AIFM1: variants seen among roughly 807,000 people sequenced by gnomAD.
The protein encoded by AIFM1 is apoptosis inducing factor mitochondria associated 1.
Under a neutral mutation model 51.7 loss-of-function variants are expected in AIFM1, and 3 were observed. The ratio of observed to expected loss-of-function variants is 0.06; its 90% CI spans 0.03 to 0.15. The LOEUF (loss-of-function observed/expected upper bound fraction) is 0.15, where lower values mean the gene tolerates loss of function less well. AIFM1 is among the 10% of genes least tolerant of loss of function. The pLI, the probability that AIFM1 is intolerant of heterozygous loss-of-function variation, is 1.00. For missense variants in AIFM1, 330 were observed against 476.8 expected (o/e 0.69, Z 2.87); for synonymous variants, 178 against 179.4 (o/e 0.99, Z 0.06).
intron 12 of AIFM1, 126 bp downstream of exon 12, chrX:130,135,919 C>T: frequency 1.1e-6 from 1 of 922,548 alleles, no homozygotes; most frequent in African/African-American, 1.9e-5. Flanking sequence ...TATTCTGTAC[C>T]CTCAGCCTCC....
chrX:130,129,402 A>G lies in AIFM1; in HGVS notation c.*155T>C, dbSNP rs2029963826. ...TCAGAATTTATTTCACTATGTGAAC[A>G]TTAAGAATTTACCTACATAGTTGAA... is the stretch of plus-strand genomic sequence containing the variant. On this transcript the variant is annotated 3_prime_UTR_variant, in exon 16 of 16. Coordinates refer to ENST00000287295, the MANE Select transcript of AIFM1 (RefSeq NM_004208.4). 1 of 505,064 alleles carries G rather than the reference A, an allele frequency of 2.0e-6. No individual in the cohort carries two copies. Among genetic ancestry groups the G allele is most frequent in the Non-Finnish European group, 3.5e-6 (1 of 282,297 alleles). 41.6% of individuals were successfully genotyped at this position (505,064 alleles called of 1,213,427 possible).
intron 10 of AIFM1, 56 bp downstream of exon 10, chrX:130,137,022 C>T: frequency 8.3e-7 from 1 of 1,210,416 alleles, no homozygotes; most frequent in Non-Finnish European, 1.1e-6. Context: ...GCGAAGTTTG[C>T]CTTAGGTCAC....
At chrX:130,141,153 CAACAAAAACA>C (rs1395759414) in intron 6 of AIFM1, among the ~76,000 whole-genome samples, 1 of 111,879 alleles carries the variant, frequency 8.9e-6, no homozygotes, top group Non-Finnish European at 1.9e-5. Context: ...AAAACCACAA[CAACAAAAACA>C]AACAAAAACA....
intron 13 of AIFM1, among the ~76,000 whole-genome samples, chrX:130,132,548 CTTTT>C (rs1166444028): frequency 1.8e-5 from 2 of 111,690 alleles, no homozygotes; most frequent in East Asian, 5.6e-4. Context: ...CTCCACTTTT[CTTTT>C]TTTTAACTTT....
intron 10 of AIFM1, 38 bp from the exon 11 acceptor site, chrX:130,136,769 G>GT (rs774473825): frequency 3.8e-5 from 44 of 1,164,211 alleles, no homozygotes; most frequent in Non-Finnish European, 5.2e-5. Context: ...GAGCCTACAA[G>GT]GCTATCACTT....
intron 5 of AIFM1, 134 bp downstream of exon 5, chrX:130,147,359 G>A: frequency 2.5e-6 from 2 of 789,880 alleles, no homozygotes; most frequent in East Asian, 6.4e-5. Context: ...GCTGTACCAA[G>A]TGTGGACCAC....
chrX:130,143,846 C>CA (rs1320285868), intron 6 of AIFM1, among the ~76,000 whole-genome samples: 32 of 100,320 alleles, frequency 3.2e-4, no homozygotes, highest in Middle Eastern at 5.0e-3. Flanking sequence ...GAATCTGTCT[C>CA]AAAAAAAAAA....
chrX:130,135,287 A>G lies in AIFM1; in HGVS notation c.1305+758T>C, dbSNP rs751345513. ...TTTTTAGGAGAGACAGGGTTTCACC[A>G]TGTTAGCCAGGCTGGTCTCAAACTC... On this transcript the variant is annotated intron_variant, in intron 12 of 15. Coordinates refer to ENST00000287295, the MANE Select transcript of AIFM1 (RefSeq NM_004208.4). Among the ~76,000 whole-genome samples, 17 of 109,412 alleles carry G rather than the reference A, an allele frequency of 1.6e-4. No homozygotes were observed. The South Asian group carries it at 6.7e-3, about 43-fold the overall frequency.
intron 1 of AIFM1, among the ~76,000 whole-genome samples, chrX:130,162,307 T>A (rs2031378377): frequency 9.0e-6 from 1 of 111,328 alleles, no homozygotes; most frequent in South Asian, 3.8e-4. Context: ...AGGGGAAGAG[T>A]CACTACTCAT....
intron 15 of AIFM1, 118 bp from the exon 16 acceptor site, chrX:130,129,746 C>T: frequency 1.3e-6 from 1 of 782,694 alleles, no homozygotes. Flanking sequence ...GTTGTGGGAA[C>T]AGTTCTCTAC....
intron 1 of AIFM1, among the ~76,000 whole-genome samples, chrX:130,163,850 T>C (rs1352929235): frequency 9.0e-6 from 1 of 111,000 alleles, no homozygotes; most frequent in East Asian, 2.8e-4. Context: ...GAAAGGCCAG[T>C]GTGGATGAAA....
intron 2 of AIFM1, among the ~76,000 whole-genome samples, chrX:130,152,125 AAAAAG>A (rs1040555536): frequency 2.2e-4 from 24 of 111,442 alleles, no homozygotes; most frequent in African/African-American, 6.2e-4. Context: ...AAAGAAAAGA[AAAAAG>A]AAAAGAAAAA....
At chrX:130,139,468 A>G (rs917976720) in intron 8 of AIFM1, among the ~76,000 whole-genome samples, 3 of 112,224 alleles carry the variant, frequency 2.7e-5, no homozygotes, top group Admixed American at 9.5e-5. Flanking sequence ...GTCTCTACAC[A>G]GCACTTGCAA....
At chrX:130,160,531 G>A (rs1603231302) in intron 1 of AIFM1, among the ~76,000 whole-genome samples, 1 of 112,050 alleles carries the variant, frequency 8.9e-6, no homozygotes, top group African/African-American at 3.2e-5. Context: ...AATGAAGGAA[G>A]GAAATAGAAA....
rs776777881 is a variant in AIFM1 at position 130,159,490 on chromosome X, G to A, written c.107-2887C>T. The stretch of plus-strand genomic sequence containing the variant: ...AATGAACCATCAGAAGTAGAAAGTG[G>A]TAACTCTCAGAGCTTAGAAAATGAA... On this transcript the variant is annotated intron_variant, in intron 1 of 15. Coordinates refer to ENST00000287295, the MANE Select transcript of AIFM1 (RefSeq NM_004208.4). Among the ~76,000 whole-genome samples the A allele has an allele frequency of 3.6e-5, 4 of 111,970 alleles. No individual in the cohort carries two copies. The South Asian group carries it at 1.1e-3, about 31-fold the overall frequency.
intron 9 of AIFM1, among the ~76,000 whole-genome samples, chrX:130,138,341 T>C (rs181905756): frequency 1.9e-3 from 215 of 110,731 alleles, no homozygotes; most frequent in African/African-American, 6.8e-3. Context: ...TACAGGCGCC[T>C]GTAGTCCCAG....
chrX:130,165,288 G>A (rs1047309973), intron 1 of AIFM1, among the ~76,000 whole-genome samples: 3 of 111,169 alleles, frequency 2.7e-5, no homozygotes, highest in African/African-American at 9.8e-5. Context: ...ACAGCCAGTT[G>A]TTCTGGGATC....
intron 1 of AIFM1, among the ~76,000 whole-genome samples, chrX:130,161,727 C>A (rs1490882449): frequency 3.7e-5 from 4 of 107,103 alleles, no homozygotes; most frequent in African/African-American, 1.4e-4. Context: ...CCTGCCTCAG[C>A]CTCCCGAGTA....
chrX:130,162,568 T>C (rs1245469815), intron 1 of AIFM1, among the ~76,000 whole-genome samples: 1 of 112,236 alleles, frequency 8.9e-6, no homozygotes, highest in Non-Finnish European at 1.9e-5. Flanking sequence ...TGCCAAAGAA[T>C]TTCTTCTGCA....
Sources: gnomAD v4.1 joint callset for allele counts (sites outside exome capture counted in the v4.1 genomes callset) on GRCh38, gnomAD v4.1.1 for gene constraint, MANE v1.5 for transcripts, NCBI Gene and HGNC (gene_info 2026-07-23, HGNC 2026-07-21) for gene names.